The following NEGR1 variants were observed in gnomAD, a reference collection of about 807,000 sequenced individuals.
NEGR1 encodes the protein IgLON family member 4.
A neutral mutation model predicts 40.9 loss-of-function variants in NEGR1; 10 were observed. The observed-to-expected ratio is 0.24, with a 90% CI of 0.15 to 0.42. The LOEUF (loss-of-function observed/expected upper bound fraction) is 0.42, where lower values mean the gene tolerates loss of function less well. Ranked by LOEUF, NEGR1 falls within the 10% of genes least tolerant of loss-of-function variation. The probability of loss-of-function intolerance (pLI) is 1.00; values close to 1 mark genes in which losing one functional copy is unlikely to be tolerated. For synonymous variants in NEGR1, 185 were observed against 166.8 expected (o/e 1.11, Z -0.84); for missense variants, 352 against 438.9 (o/e 0.80, Z 1.77).
intron 1 of NEGR1, among the ~76,000 whole-genome samples, chr1:71,948,223 T>A (rs1646038528): frequency 1.3e-5 from 2 of 152,150 alleles, no homozygotes; most frequent in African/African-American, 2.4e-5. Context: ...AATATTTATG[T>A]TCTCTCTTGA....
intron 4 of NEGR1, among the ~76,000 whole-genome samples, chr1:71,652,511 G>A (rs1235958145): frequency 6.6e-6 from 1 of 152,030 alleles, no homozygotes; most frequent in Non-Finnish European, 1.5e-5. Flanking sequence ...TACAATATTA[G>A]CATTGAGTAG....
chr1:72,080,318 A>ATAGTTTCTTACTGAGACAAAAGTCTCAT (rs1647941833), intron 1 of NEGR1, among the ~76,000 whole-genome samples: 1 of 152,090 alleles, frequency 6.6e-6, no homozygotes, highest in African/African-American at 2.4e-5. Flanking sequence ...AAGCATCCAG[A>ATAGTTTCTTACTGAGACAAAAGTCTCAT]TAGTTTCTTA....
At chr1:71,767,531 G>A (rs1364533400) in intron 3 of NEGR1, among the ~76,000 whole-genome samples, 2 of 152,088 alleles carry the variant, frequency 1.3e-5, no homozygotes, top group African/African-American at 4.8e-5. Flanking sequence ...GAAATGACCT[G>A]GAACTGGAAC....
intron 3 of NEGR1, among the ~76,000 whole-genome samples, chr1:71,713,875 G>A (rs1026641273): frequency 2.0e-5 from 3 of 152,190 alleles, no homozygotes; most frequent in African/African-American, 4.8e-5. Context: ...TAACAATATA[G>A]ATAAACAAGT....
chr1:71,992,567 A>C (rs1646464355), intron 1 of NEGR1, among the ~76,000 whole-genome samples: 1 of 152,242 alleles, frequency 6.6e-6, no homozygotes, highest in African/African-American at 2.4e-5. Flanking sequence ...TTAAACATGT[A>C]ATCAATATAA....
chr1:72,190,497 T>A (rs2100427679), intron 1 of NEGR1, among the ~76,000 whole-genome samples: 1 of 151,722 alleles, frequency 6.6e-6, no homozygotes, highest in East Asian at 1.9e-4. Flanking sequence ...GGAATGGAGA[T>A]ATTTAATTTT....
chr1:71,413,762 G>A (rs957305822), intron 6 of NEGR1, among the ~76,000 whole-genome samples: 6 of 152,108 alleles, frequency 3.9e-5, no homozygotes, highest in Admixed American at 1.3e-4. Flanking sequence ...ACTTTTTCCC[G>A]TTGTCAACAG....
At chr1:72,194,816 A>G (rs1227085348) in intron 1 of NEGR1, among the ~76,000 whole-genome samples, 1 of 152,074 alleles carries the variant, frequency 6.6e-6, no homozygotes, top group African/African-American at 2.4e-5. Context: ...TTCTAATTGG[A>G]CATTCATGTT....
intron 2 of NEGR1, among the ~76,000 whole-genome samples, chr1:71,793,200 A>G (rs892199780): frequency 3.6e-4 from 6 of 16,460 alleles, no homozygotes; most frequent in Non-Finnish European, 7.0e-4. Flanking sequence ...TTTTTTTTTT[A>G]GATGGAATCT....
intron 1 of NEGR1, among the ~76,000 whole-genome samples, chr1:72,242,594 A>T (rs1032011447): frequency 2.0e-5 from 3 of 151,592 alleles, no homozygotes; most frequent in Non-Finnish European, 4.4e-5. Context: ...GTTACTATAA[A>T]CCAATAATTT....
At chr1:72,141,757 T>C (rs776361022) in intron 1 of NEGR1, among the ~76,000 whole-genome samples, 32 of 152,016 alleles carry the variant, frequency 2.1e-4, no homozygotes, top group Non-Finnish European at 3.7e-4. Flanking sequence ...GCTGGAAACA[T>C]ACAAATTACA....
intron 5 of NEGR1, among the ~76,000 whole-genome samples, chr1:71,596,534 C>T (rs1352396633): frequency 6.6e-6 from 1 of 152,214 alleles, no homozygotes. Flanking sequence ...GTCATAACCT[C>T]CCTCCAGGCA....
At chr1:71,736,196 T>C (rs1046046866) in intron 3 of NEGR1, among the ~76,000 whole-genome samples, 2 of 152,116 alleles carry the variant, frequency 1.3e-5, no homozygotes, top group African/African-American at 2.4e-5. Context: ...TAAAAGTTTC[T>C]TATTGATTAT....
At chr1:72,164,711 G>T (rs1376135206) in intron 1 of NEGR1, among the ~76,000 whole-genome samples, 4 of 151,796 alleles carry the variant, frequency 2.6e-5, no homozygotes, top group Non-Finnish European at 5.9e-5. Flanking sequence ...TTTTTGTTTT[G>T]TTGTCTTCAC....
intron 3 of NEGR1, among the ~76,000 whole-genome samples, chr1:71,729,059 C>A (rs1654768778): frequency 1.3e-5 from 2 of 152,116 alleles, no homozygotes; most frequent in South Asian, 4.1e-4. Context: ...TCTGTGACCT[C>A]TTATTCTACT....
chr1:71,655,878 A>G (rs1351834099), intron 4 of NEGR1, among the ~76,000 whole-genome samples: 2 of 152,200 alleles, frequency 1.3e-5, no homozygotes, highest in Non-Finnish European at 2.9e-5. Context: ...TCCAATGCCA[A>G]GGTCTTCTAA....
chr1:71,615,979 G>C (rs188255222), intron 4 of NEGR1, among the ~76,000 whole-genome samples: 22 of 152,288 alleles, frequency 1.4e-4, no homozygotes, highest in African/African-American at 5.3e-4. Context: ...ACTCATTTTA[G>C]TTAGCAGGCA....
chr1:71,428,047 G>T (rs1224967553), intron 6 of NEGR1, among the ~76,000 whole-genome samples: 4 of 151,948 alleles, frequency 2.6e-5, no homozygotes, highest in Non-Finnish European at 5.9e-5. Flanking sequence ...CTGTCCTTAT[G>T]CATAGCAACA....
rs986795409 is a variant in NEGR1 at position 71,435,069 on chromosome 1, C to A, written c.941-27499G>T. ...TTGCGCCAATGCACTCCAGCCTGGG[C>A]GACAGAGCCAGACTCCATCTCAAAC... On this transcript the variant is annotated intron_variant, in intron 6 of 6. Transcript: ENST00000357731. Among the ~76,000 whole-genome samples the A allele has an allele frequency of 3.4e-4, 52 of 150,786 alleles. 1 individual carries two copies. The highest frequency in any genetic ancestry group is 1.2e-3 in the African/African-American group (49 of 40,900).
Sources: gnomAD v4.1 joint callset for allele counts (sites outside exome capture counted in the v4.1 genomes callset) on GRCh38, gnomAD v4.1.1 for gene constraint, MANE v1.5 for transcripts, NCBI Gene and HGNC (gene_info 2026-07-23, HGNC 2026-07-21) for gene names.